The following OXR1 variants were observed in gnomAD, a reference collection of about 807,000 sequenced individuals.
OXR1 encodes oxidation resistance protein 1.
In OXR1, 41 loss-of-function variants were observed where a neutral mutation model predicts 104.6. The observed-to-expected ratio is 0.39, with a 90% CI of 0.31 to 0.51. The LOEUF (loss-of-function observed/expected upper bound fraction) is 0.51, where lower values mean the gene tolerates loss of function less well. OXR1 is among the 20% of genes least tolerant of loss of function. The pLI, the probability that OXR1 is intolerant of heterozygous loss-of-function variation, is 0.77. For synonymous variants in OXR1, 348 were observed against 348.4 expected, an observed-to-expected ratio of 1.00 and a Z score of 0.01; for missense variants, 955 against 1,031.9, an observed-to-expected ratio of 0.93 and a Z score of 1.02.
intron 2 of OXR1, among the ~76,000 whole-genome samples, chr8:106,442,809 C>A (rs1244927459): frequency 1.3e-5 from 2 of 151,766 alleles, no homozygotes; most frequent in Non-Finnish European, 2.9e-5. Context: ...TTCTCATCTT[C>A]CCTCTTAGTC....
At chr8:106,610,843 CT>C (rs1341835004) in intron 3 of OXR1, among the ~76,000 whole-genome samples, 1 of 152,170 alleles carries the variant, frequency 6.6e-6, no homozygotes, top group African/African-American at 2.4e-5. Context: ...AAGATTCTGC[CT>C]GTTTTTAAAC....
chr8:106,414,723 A>T (rs1326205886), intron 2 of OXR1, among the ~76,000 whole-genome samples: 1 of 152,108 alleles, frequency 6.6e-6, no homozygotes, highest in African/African-American at 2.4e-5. Flanking sequence ...ATAAACACGA[A>T]GTAGTTTGGT....
chr8:106,743,781 TA>T (rs1835146309), intron 15 of OXR1, among the ~76,000 whole-genome samples: 1 of 152,172 alleles, frequency 6.6e-6, no homozygotes, highest in South Asian at 2.1e-4. Context: ...GTCCTCCTAA[TA>T]TAAAGATACA....
intron 2 of OXR1, among the ~76,000 whole-genome samples, chr8:106,470,364 A>C (rs1009288567): frequency 2.0e-5 from 3 of 151,846 alleles, no homozygotes; most frequent in African/African-American, 7.2e-5. Context: ...TGTAGAGCTA[A>C]GTTTTGGTGG....
intron 3 of OXR1, among the ~76,000 whole-genome samples, chr8:106,582,177 C>CATATATATATATATATATATATATAT (rs71562108): frequency 4.4e-4 from 52 of 119,302 alleles, no homozygotes; most frequent in African/African-American, 1.9e-3. Flanking sequence ...TTTCTATTGA[C>CATATATATATATATATATATATATAT]ATATATATAT....
chr8:106,406,352 CATATAT>C (rs200894645), intron 2 of OXR1, among the ~76,000 whole-genome samples: 4 of 151,650 alleles, frequency 2.6e-5, no homozygotes, highest in African/African-American at 9.7e-5. Context: ...TTTACTTATT[CATATAT>C]ATATATAACT....
At chr8:106,496,790 A>C (rs536324582) in intron 2 of OXR1, among the ~76,000 whole-genome samples, 10 of 152,336 alleles carry the variant, frequency 6.6e-5, no homozygotes, top group African/African-American at 2.4e-4. Flanking sequence ...TTACAGTCGC[A>C]CTTATGATTC....
At chr8:106,548,842 G>A (rs982461380) in intron 3 of OXR1, among the ~76,000 whole-genome samples, 2 of 152,162 alleles carry the variant, frequency 1.3e-5, no homozygotes, top group African/African-American at 4.8e-5. Context: ...GGAATTCAGA[G>A]GTAATGTAGT....
intron 3 of OXR1, among the ~76,000 whole-genome samples, chr8:106,652,838 T>C (rs924429783): frequency 3.3e-5 from 5 of 151,580 alleles, no homozygotes; most frequent in Non-Finnish European, 7.4e-5. Flanking sequence ...AAACCTCAAG[T>C]TGGCTCTCTG....
intron 2 of OXR1, among the ~76,000 whole-genome samples, chr8:106,487,127 G>A (rs982137279): frequency 6.6e-6 from 1 of 150,714 alleles, no homozygotes; most frequent in Non-Finnish European, 1.5e-5. Context: ...GGGTTCAAGC[G>A]ATTCTCCTGC....
intron 2 of OXR1, among the ~76,000 whole-genome samples, chr8:106,510,323 A>T (rs1343100283): frequency 6.6e-6 from 1 of 152,206 alleles, no homozygotes; most frequent in Non-Finnish European, 1.5e-5. Flanking sequence ...AATGATGAAC[A>T]GACTAGAATT....
intron 2 of OXR1, among the ~76,000 whole-genome samples, chr8:106,383,962 C>T (rs374997298): frequency 1.3e-5 from 2 of 152,234 alleles, no homozygotes; most frequent in East Asian, 3.9e-4. Flanking sequence ...TGTGGTGAGC[C>T]TCTATACCTA....
chr8:106,517,850 T>C (rs184049928), intron 2 of OXR1, among the ~76,000 whole-genome samples: 2 of 152,310 alleles, frequency 1.3e-5, no homozygotes, highest in Non-Finnish European at 2.9e-5. Context: ...GACATTGCTT[T>C]CATTAATGAC....
intron 2 of OXR1, among the ~76,000 whole-genome samples, chr8:106,440,460 A>C (rs924838603): frequency 1.1e-4 from 17 of 152,148 alleles, no homozygotes; most frequent in African/African-American, 4.1e-4. Context: ...ATTACATGGT[A>C]AACTATTTGG....
rs71307063 is a variant in OXR1 at position 106,499,168 on chromosome 8, CAAAAAAA to C, written c.24-19756_24-19750del. 9.1e-4 allele frequency among the ~76,000 whole-genome samples: 7 copies of C among 7,700 alleles called. 1 individual carries two copies. Among genetic ancestry groups the C allele is most frequent in the South Asian group, 4.7e-3 (1 of 214 alleles). The allele number at this position is 7,700 out of a possible 152,430, so 5.1% of individuals were successfully genotyped here. ...TGGGCGACAGAGCGAGACTCCGTCT[CAAAAAAA>C]AAAAAAAAAAAAAAAAAAGAATTAG... is the stretch of plus-strand genomic sequence containing the variant. On this transcript the variant is annotated intron_variant, in intron 2 of 16. Coordinates refer to ENST00000517566, the MANE Select transcript of OXR1 (RefSeq NM_001198533.2).
At chr8:106,706,168 T>G (rs771317520) in intron 8 of OXR1, among the ~76,000 whole-genome samples, 8 of 152,188 alleles carry the variant, frequency 5.3e-5, no homozygotes, top group Admixed American at 2.0e-4. Flanking sequence ...TATAAAAGTT[T>G]GACTTAATTA....
chr8:106,751,016 A>G lies in OXR1; in HGVS notation c.*75A>G. The G allele has an allele frequency of 9.2e-7, 1 of 1,087,166 alleles. No homozygotes were observed. Among genetic ancestry groups the G allele is most frequent in the Admixed American group, 2.3e-5 (1 of 43,142 alleles). 67.3% of individuals were successfully genotyped at this position (1,087,166 alleles called of 1,614,324 possible). A position where few individuals can be genotyped will look rare whatever the true frequency, so the allele number is the denominator to read the frequency against. ...CAAGCATTGTTTGGAAAGTTCAAGA[A>G]GCAATACAGTGTAACATGTCACTTG... On this transcript the variant is annotated 3_prime_UTR_variant, in exon 17 of 17. Transcript: ENST00000517566.
intron 11 of OXR1, among the ~76,000 whole-genome samples, chr8:106,718,211 A>T (rs1270762052): frequency 1.3e-5 from 2 of 152,206 alleles, no homozygotes; most frequent in African/African-American, 4.8e-5. Context: ...ACCCTAAAAT[A>T]TGTTAAAAGA....
intron 2 of OXR1, among the ~76,000 whole-genome samples, chr8:106,438,352 A>G (rs1317798727): frequency 6.6e-6 from 1 of 152,154 alleles, no homozygotes; most frequent in East Asian, 1.9e-4. Context: ...TATGCTGTAA[A>G]TGAAAAACAC....
Sources: allele counts gnomAD v4.1 joint callset (sites outside exome capture counted in the v4.1 genomes callset), GRCh38; gene constraint gnomAD v4.1.1; transcripts MANE v1.5; gene names NCBI Gene and HGNC (gene_info 2026-07-23, HGNC 2026-07-21).